PRKD1: variants seen among roughly 807,000 people sequenced by gnomAD.
PRKD1 encodes serine/threonine-protein kinase D1.
In PRKD1, 63 loss-of-function variants were observed where a neutral mutation model predicts 95.9. The observed-to-expected ratio is 0.66, with a 90% CI of 0.54 to 0.81. The LOEUF (loss-of-function observed/expected upper bound fraction) is 0.81. PRKD1 is among the 30% of genes least tolerant of loss of function. The pLI, the probability that PRKD1 is intolerant of heterozygous loss-of-function variation, is 0.00. For missense variants in PRKD1, 1,048 were observed against 1,165.3 expected, an observed-to-expected ratio of 0.90 and a Z score of 1.47; for synonymous variants, 425 against 423.1, an observed-to-expected ratio of 1.00 and a Z score of -0.05.
At chr14:29,759,050 C>T (rs1260477413) in intron 1 of PRKD1, among the ~76,000 whole-genome samples, 1 of 152,216 alleles carries the variant, frequency 6.6e-6, no homozygotes, top group Non-Finnish European at 1.5e-5. Context: ...GTCCGTTACT[C>T]ACATGTGATC....
chr14:29,773,108 G>C (rs750822892), intron 1 of PRKD1, among the ~76,000 whole-genome samples: 6 of 152,120 alleles, frequency 3.9e-5, no homozygotes, highest in Non-Finnish European at 7.4e-5. Flanking sequence ...GATACTTTTT[G>C]ATAAATCCTT....
At chr14:29,856,046 T>A (rs895570011) in intron 1 of PRKD1, among the ~76,000 whole-genome samples, 5 of 152,174 alleles carry the variant, frequency 3.3e-5, no homozygotes, top group Admixed American at 3.3e-4. Flanking sequence ...GTCATTCTCT[T>A]CCTTCAGTTT....
At chr14:29,698,402 G>GA (rs1268943841) in intron 2 of PRKD1, among the ~76,000 whole-genome samples, 2 of 152,144 alleles carry the variant, frequency 1.3e-5, no homozygotes, top group East Asian at 3.9e-4. Context: ...TATCAAGCTT[G>GA]ACAAGAGAGA....
At chr14:29,728,713 T>C (rs995585959) in intron 1 of PRKD1, among the ~76,000 whole-genome samples, 1 of 152,188 alleles carries the variant, frequency 6.6e-6, no homozygotes, top group Non-Finnish European at 1.5e-5. Flanking sequence ...AGTTTGCAGC[T>C]ATTACAAATA....
chr14:29,658,479 G>A (rs1348919297), intron 4 of PRKD1, among the ~76,000 whole-genome samples: 1 of 151,746 alleles, frequency 6.6e-6, no homozygotes, highest in Non-Finnish European at 1.5e-5. Flanking sequence ...AATCTTATTT[G>A]ACCAATTTTT....
chr14:29,738,896 A>G (rs1202139396), intron 1 of PRKD1, among the ~76,000 whole-genome samples: 1 of 150,620 alleles, frequency 6.6e-6, no homozygotes, highest in African/African-American at 2.4e-5. Context: ...TGATGCCGCA[A>G]TCTTGGCTCA....
chr14:29,731,195 T>C (rs943951970), intron 1 of PRKD1, among the ~76,000 whole-genome samples: 4 of 152,192 alleles, frequency 2.6e-5, no homozygotes, highest in South Asian at 2.1e-4. Context: ...GAATTTCTCT[T>C]TAACCCATGG....
intron 1 of PRKD1, among the ~76,000 whole-genome samples, chr14:29,762,940 C>A (rs1334486631): frequency 6.6e-6 from 1 of 151,692 alleles, no homozygotes; most frequent in Non-Finnish European, 1.5e-5. Context: ...GATGGGGTTT[C>A]ACCATGTTGC....
At chr14:29,716,957 A>G (rs542236863) in intron 2 of PRKD1, among the ~76,000 whole-genome samples, 2 of 152,338 alleles carry the variant, frequency 1.3e-5, no homozygotes, top group South Asian at 2.1e-4. Flanking sequence ...ATTTTCTAAA[A>G]GACATTTTTG....
In PRKD1 at chr14:29,632,822, A is replaced by G. The variant is rs45449293; in HGVS notation, c.1392+47T>C. The stretch of plus-strand genomic sequence containing the variant: ...TTTCTTATACTCTACATTCCCATGA[A>G]AAAGCAATAAGAGGTATGAAACTAC... On this transcript the variant is annotated intron_variant, in intron 9 of 17. Coordinates refer to ENST00000331968, the MANE Select transcript of PRKD1 (RefSeq NM_002742.3). 9.7e-5 allele frequency: 148 copies of G among 1,518,306 alleles called. 1 individual carries two copies. In the East Asian group the frequency reaches 2.9e-3, roughly 29 times the overall value. 94.1% of individuals were successfully genotyped at this position (1,518,306 alleles called of 1,614,324 possible). A position where few individuals can be genotyped will look rare whatever the true frequency, so the allele number is the denominator to read the frequency against.
chr14:29,870,062 G>C (rs1382658073), intron 1 of PRKD1, among the ~76,000 whole-genome samples: 1 of 152,104 alleles, frequency 6.6e-6, no homozygotes, highest in Non-Finnish European at 1.5e-5. Flanking sequence ...TATTACCGAG[G>C]TGGGGCAAAT....
At chr14:29,745,883 TCTAA>T (rs1455524855) in intron 1 of PRKD1, among the ~76,000 whole-genome samples, 5 of 152,206 alleles carry the variant, frequency 3.3e-5, no homozygotes, top group African/African-American at 1.2e-4. Context: ...GAAAATGGTA[TCTAA>T]CTATCTATAG....
At position 29,619,122 on chromosome 14, in the gene PRKD1, TA is replaced by T. The variant is rs138723724; in HGVS notation, c.1905+5029del. 2.6e-3 allele frequency among the ~76,000 whole-genome samples: 391 copies of T among 152,186 alleles called. 1 individual carries two copies. Among genetic ancestry groups the T allele is most frequent in the Non-Finnish European group, 4.9e-3 (332 of 67,996 alleles). On this transcript the variant is annotated intron_variant, in intron 13 of 17. Transcript: ENST00000331968. ...ATAGAATTTTATTTCTCAAGATTAGTAAAAGAAAATCTTCCTCTCCATTCAA... is the reference window on the plus strand; with the variant it reads ...ATAGAATTTTATTTCTCAAGATTAGTAAAGAAAATCTTCCTCTCCATTCAA...
chr14:29,667,554 T>C (rs544193460), intron 2 of PRKD1, among the ~76,000 whole-genome samples: 73 of 152,334 alleles, frequency 4.8e-4, no homozygotes, highest in African/African-American at 1.7e-3. Flanking sequence ...GCCAATCACC[T>C]ACTTTGGTGG....
intron 2 of PRKD1, among the ~76,000 whole-genome samples, chr14:29,714,342 C>T (rs1431243843): frequency 1.3e-5 from 2 of 151,994 alleles, no homozygotes; most frequent in Admixed American, 1.3e-4. Flanking sequence ...TTTATGCAGC[C>T]AACAAACATG....
At chr14:29,613,047 A>G (rs1028065764) in intron 13 of PRKD1, among the ~76,000 whole-genome samples, 17 of 152,250 alleles carry the variant, frequency 1.1e-4, no homozygotes, top group Admixed American at 9.2e-4. Flanking sequence ...GCAGTGAGCC[A>G]AGATCATGCC....
At chr14:29,698,321 A>G (rs1884642830) in intron 2 of PRKD1, among the ~76,000 whole-genome samples, 4 of 152,182 alleles carry the variant, frequency 2.6e-5, no homozygotes, top group Admixed American at 1.3e-4. Context: ...GCAAAGTAAC[A>G]AGTATAACAG....
intron 1 of PRKD1, among the ~76,000 whole-genome samples, chr14:29,857,736 G>A (rs1480056880): frequency 3.9e-5 from 6 of 152,162 alleles, no homozygotes; most frequent in South Asian, 2.1e-4. Context: ...GCTGCGGGGA[G>A]GAGAAAGGAG....
chr14:29,603,348 C>G (rs927143376), intron 13 of PRKD1, among the ~76,000 whole-genome samples: 1 of 152,082 alleles, frequency 6.6e-6, no homozygotes, highest in Non-Finnish European at 1.5e-5. Flanking sequence ...TGTATTTTTT[C>G]TTGCATTGAA....
Sources: allele counts gnomAD v4.1 joint callset (sites outside exome capture counted in the v4.1 genomes callset), GRCh38; gene constraint gnomAD v4.1.1; transcripts MANE v1.5; gene names NCBI Gene and HGNC (gene_info 2026-07-23, HGNC 2026-07-21).